PCM1: variants seen among roughly 807,000 people sequenced by gnomAD.
PCM1 encodes the protein pericentriolar material 1 protein.
In PCM1, 157 loss-of-function variants were observed where a neutral mutation model predicts 241.9. The ratio of observed to expected loss-of-function variants is 0.65; its 90% CI spans 0.57 to 0.74. PCM1 has a LOEUF of 0.74. Among genes scored for constraint, PCM1 ranks in the 30% least tolerant of loss-of-function variants. The pLI is 0.00. For synonymous variants in PCM1, 1,085 were observed against 784.9 expected, an observed-to-expected ratio of 1.38 and a Z score of -6.39; for missense variants, 3,478 against 2,360.1, an observed-to-expected ratio of 1.47 and a Z score of -9.81.
intron 38 of PCM1, among the ~76,000 whole-genome samples, chr8:18,026,817 C>G (rs892263645): frequency 2.6e-5 from 4 of 152,144 alleles, no homozygotes; most frequent in African/African-American, 9.7e-5. Context: ...TGCTCCTCCT[C>G]TGCTTTCTTC....
At chr8:17,994,212 C>T (rs1020060707) in intron 29 of PCM1, among the ~76,000 whole-genome samples, 16 of 152,142 alleles carry the variant, frequency 1.1e-4, no homozygotes, top group African/African-American at 3.9e-4. Flanking sequence ...GGTAACCATC[C>T]TTATACAGTT....
Position 18,014,784 on chromosome 8 carries a change from GA to G in PCM1, c.5788del (p.Ser1930AlafsTer14), listed in dbSNP as rs752019458. ...KEVKSAQETP[E>X]SSLAGSPDTE... The stretch of plus-strand genomic sequence containing the variant: ...AGTTAAATCTGCTCAGGAAACTCCT[GA>G]AAGCTCTCTGGCTGGAAGTCCTGAT... On this transcript the variant is annotated frameshift_variant, in exon 36 of 39. Coordinates refer to ENST00000325083, the MANE Select transcript of PCM1 (RefSeq NM_006197.4). LOFTEE classifies it high-confidence loss of function. The G allele has an allele frequency of 7.5e-6, 12 of 1,608,800 alleles. No individual in the cohort carries two copies. Among genetic ancestry groups the G allele is most frequent in the Non-Finnish European group, 1.7e-6 (2 of 1,179,100 alleles).
At chr8:17,937,460 A>G in intron 4 of PCM1, 81 bp downstream of exon 4, 1 of 1,258,268 alleles carries the variant, frequency 7.9e-7, no homozygotes, top group Non-Finnish European at 1.1e-6. Context: ...TTAGGAATAA[A>G]AAATTGAGCT....
At chr8:18,021,332 C>G (rs559781471) in intron 36 of PCM1, among the ~76,000 whole-genome samples, 1 of 152,270 alleles carries the variant, frequency 6.6e-6, no homozygotes, top group South Asian at 2.1e-4. Flanking sequence ...AGCAGTGTGG[C>G]TTGTCAAACT....
chr8:17,958,231 C>T (rs539417823), intron 13 of PCM1, among the ~76,000 whole-genome samples: 13 of 152,108 alleles, frequency 8.5e-5, no homozygotes, highest in African/African-American at 2.2e-4. Flanking sequence ...TCTTAATTGC[C>T]GAAGTTTATA....
chr8:17,950,856 C>CT, intron 8 of PCM1, 132 bp downstream of exon 8: 1 of 627,848 alleles, frequency 1.6e-6, no homozygotes, highest in South Asian at 2.0e-5. Context: ...TTGGTGGGGT[C>CT]CCCCCCACCT....
intron 23 of PCM1, among the ~76,000 whole-genome samples, chr8:17,979,802 A>G (rs970532141): frequency 3.3e-5 from 5 of 152,206 alleles, no homozygotes; most frequent in African/African-American, 1.2e-4. Flanking sequence ...ACAAAAAACA[A>G]CAAAGCTTAT....
At chr8:17,971,715 G>A (rs1388988027) in intron 22 of PCM1, among the ~76,000 whole-genome samples, 2 of 152,112 alleles carry the variant, frequency 1.3e-5, no homozygotes, top group Non-Finnish European at 2.9e-5. Flanking sequence ...TTTGGGTCTT[G>A]TATATCCCAT....
In PCM1 at chr8:17,980,654, C is replaced by T; in HGVS notation, c.4007C>T (p.Ala1336Val). 6.2e-7 allele frequency: 1 copy of T among 1,613,082 alleles called. No individual in the cohort carries two copies. The highest frequency in any genetic ancestry group is 8.5e-7 in the Non-Finnish European group (1 of 1,179,324). Reference sequence around the variant, plus strand: ...TGCAAAAGTAGGAACAGACATTCAGCCCAGACTGAAGAGCCTGTTCAAGCA... The same window carrying T: ...TGCAAAAGTAGGAACAGACATTCAGTCCAGACTGAAGAGCCTGTTCAAGCA... ...EPCKSRNRHS[A>V]QTEEPVQAKV... is the part of the protein sequence containing the mutation. The change falls in exon 24 of 39, where the codon GCC (alanine) becomes GTC (valine). Residue 1336 changes from alanine (A) to valine (V), a missense_variant. By Grantham distance (64) the Ala-to-Val change is moderately conservative. Transcript: ENST00000325083.
chr8:18,017,614 G>A (rs906379831), intron 36 of PCM1, among the ~76,000 whole-genome samples: 17 of 152,162 alleles, frequency 1.1e-4, no homozygotes, highest in African/African-American at 3.6e-4. Flanking sequence ...AGCCCTTTGG[G>A]AGGCCAAGGC....
intron 36 of PCM1, among the ~76,000 whole-genome samples, chr8:18,018,922 C>T (rs539855292): frequency 2.8e-4 from 35 of 125,258 alleles, no homozygotes; most frequent in Non-Finnish European, 4.2e-4. Context: ...AAATATATAA[C>T]ATATAATATA....
At chr8:18,023,189 C>A (rs78661427) in intron 36 of PCM1, among the ~76,000 whole-genome samples, 1 of 152,086 alleles carries the variant, frequency 6.6e-6, no homozygotes, top group Non-Finnish European at 1.5e-5. Flanking sequence ...CCTATATGGT[C>A]TGGACACTGT....
chr8:17,960,527 G>GTTTTTGTTTTTTTT, intron 15 of PCM1, 83 bp downstream of exon 15: 3 of 412,970 alleles, frequency 7.3e-6, no homozygotes, highest in East Asian at 1.0e-4. Context: ...TTTTGTTTTT[G>GTTTTTGTTTTTTTT]TTTTTCTTTT....
At chr8:17,935,274 T>C (rs950528593) in intron 2 of PCM1, among the ~76,000 whole-genome samples, 2 of 152,218 alleles carry the variant, frequency 1.3e-5, no homozygotes, top group Non-Finnish European at 2.9e-5. Flanking sequence ...TTATGACACT[T>C]TTCCTACTTT....
At chr8:17,942,717 C>T (rs577551931) in intron 6 of PCM1, among the ~76,000 whole-genome samples, 39 of 150,268 alleles carry the variant, frequency 2.6e-4, no homozygotes, top group African/African-American at 8.6e-4. Context: ...TTGAATAGGC[C>T]GGGCACGGTG....
In PCM1 at chr8:18,009,585, CTG is replaced by C. The variant is rs2092136623; in HGVS notation, c.5004_5005del (p.Cys1668TrpfsTer10). ...AKFAGRKLKD[C>X]GEDLLVEISE... ...AATTTGCTGGCAGAAAACTGAAAGACTGTGGAGAAGATCTTCTTGTAGAGATA... is the reference window on the plus strand; with the variant it reads ...AATTTGCTGGCAGAAAACTGAAAGACTGGAGAAGATCTTCTTGTAGAGATA... On this transcript the variant is annotated frameshift_variant, in exon 31 of 39. Coordinates refer to ENST00000325083, the MANE Select transcript of PCM1 (RefSeq NM_006197.4). LOFTEE classifies it high-confidence loss of function. The C allele has an allele frequency of 2.5e-6, 4 of 1,602,820 alleles. No homozygotes were observed. Among genetic ancestry groups the C allele is most frequent in the Non-Finnish European group, 3.4e-6 (4 of 1,174,110 alleles).
At chr8:17,973,341 G>A (rs1319108169) in intron 23 of PCM1, among the ~76,000 whole-genome samples, 1 of 152,180 alleles carries the variant, frequency 6.6e-6, no homozygotes, top group Admixed American at 6.5e-5. Context: ...AATCTGCAGT[G>A]TTACAGCTGA....
intron 34 of PCM1, 79 bp from the exon 35 acceptor site, chr8:18,013,885 A>C (rs999552701): frequency 2.4e-6 from 2 of 828,344 alleles, no homozygotes; most frequent in Non-Finnish European, 3.8e-6. Context: ...GGTTGGACAA[A>C]AACTACACAC....
At chr8:18,023,334 A>C (rs1302669373) in intron 36 of PCM1, among the ~76,000 whole-genome samples, 1 of 152,190 alleles carries the variant, frequency 6.6e-6, no homozygotes, top group South Asian at 2.1e-4. Flanking sequence ...ACTCGAATAT[A>C]TGAAGGGGTT....
Sources: allele counts gnomAD v4.1 joint callset (sites outside exome capture counted in the v4.1 genomes callset), GRCh38; gene constraint gnomAD v4.1.1; transcripts MANE v1.5; gene names NCBI Gene and HGNC (gene_info 2026-07-23, HGNC 2026-07-21).